The following OPCML variants were observed in gnomAD, a reference collection of about 807,000 sequenced individuals.
OPCML encodes the protein opioid-binding protein/cell adhesion molecule.
In OPCML, 13 loss-of-function variants were observed where a neutral mutation model predicts 37.8. That is an observed-to-expected ratio of 0.34 (90% CI 0.22 to 0.55). OPCML has a LOEUF of 0.55. Ranked by LOEUF, OPCML falls within the 20% of genes least tolerant of loss-of-function variation. The probability of loss-of-function intolerance (pLI) is 0.91; values close to 1 mark genes in which losing one functional copy is unlikely to be tolerated. For synonymous variants in OPCML, 176 were observed against 168.8 expected, an observed-to-expected ratio of 1.04 and a Z score of -0.33; for missense variants, 341 against 435.6, an observed-to-expected ratio of 0.78 and a Z score of 1.93.
At chr11:133,355,169 T>C (rs1379587302) in intron 1 of OPCML, among the ~76,000 whole-genome samples, 1 of 152,234 alleles carries the variant, frequency 6.6e-6, no homozygotes, top group Non-Finnish European at 1.5e-5. Flanking sequence ...TTGAAGTCGA[T>C]GCCAATGACT....
At chr11:133,336,648 C>T (rs1252719999) in intron 1 of OPCML, among the ~76,000 whole-genome samples, 1 of 152,186 alleles carries the variant, frequency 6.6e-6, no homozygotes, top group African/African-American at 2.4e-5. Context: ...TTCCCCCAGC[C>T]TCAACTGAGC....
chr11:132,520,703 T>TGTGTGTGTGTAA (rs58430114), intron 4 of OPCML, among the ~76,000 whole-genome samples: 1 of 70,328 alleles, frequency 1.4e-5, no homozygotes, highest in African/African-American at 6.4e-5. Flanking sequence ...TGTGTGTGTG[T>TGTGTGTGTGTAA]ATGCATATAG....
At chr11:133,240,830 A>G (rs544357534) in intron 1 of OPCML, among the ~76,000 whole-genome samples, 49 of 152,196 alleles carry the variant, frequency 3.2e-4, no homozygotes, top group Non-Finnish European at 5.9e-4. Context: ...AATTTCAAGG[A>G]ACTAGAAAGT....
intron 1 of OPCML, among the ~76,000 whole-genome samples, chr11:133,128,170 G>C (rs1274987874): frequency 6.6e-6 from 1 of 152,084 alleles, no homozygotes; most frequent in Non-Finnish European, 1.5e-5. Flanking sequence ...GAGAGTGGAG[G>C]CATACTGAAA....
At chr11:132,484,106 A>G (rs892788920) in intron 4 of OPCML, among the ~76,000 whole-genome samples, 1 of 152,240 alleles carries the variant, frequency 6.6e-6, no homozygotes, top group African/African-American at 2.4e-5. Context: ...ACAGCAAAAG[A>G]AACTACCTTC....
chr11:133,482,459 A>G (rs1947397190), intron 1 of OPCML, among the ~76,000 whole-genome samples: 1 of 152,138 alleles, frequency 6.6e-6, no homozygotes, highest in East Asian at 1.9e-4. Flanking sequence ...CCCCTGGAGG[A>G]TCTGGGTGCT....
At chr11:133,332,456 T>C (rs555976949) in intron 1 of OPCML, among the ~76,000 whole-genome samples, 1 of 152,140 alleles carries the variant, frequency 6.6e-6, no homozygotes, top group Non-Finnish European at 1.5e-5. Flanking sequence ...GCACTTCCCA[T>C]ACTATGTTGA....
rs139699691 is a variant in OPCML at position 133,292,832 on chromosome 11, C to T, written c.61+239432G>A. On this transcript the variant is annotated intron_variant, in intron 1 of 7. Transcript: ENST00000524381. ...TCACTCCCTACCACCTGGCATACTG[C>T]TTGTGGCTCCTCATCATGATTCTAG... Among the ~76,000 whole-genome samples, 8 of 152,308 alleles carry T rather than the reference C, an allele frequency of 5.3e-5. No homozygotes were observed. In the East Asian group the frequency reaches 1.4e-3, roughly 26 times the overall value.
At chr11:133,486,852 T>TTC (rs10638959) in intron 1 of OPCML, among the ~76,000 whole-genome samples, 44,328 of 141,552 alleles carry the variant, frequency 0.31, 8,130 homozygotes, top group African/African-American at 0.5. Flanking sequence ...CCCTTCTCTC[T>TTC]TCTCTCTCTC....
At chr11:132,642,893 G>T (rs975028313) in intron 3 of OPCML, among the ~76,000 whole-genome samples, 1 of 152,154 alleles carries the variant, frequency 6.6e-6, no homozygotes, top group Non-Finnish European at 1.5e-5. Context: ...AGGAATTAAG[G>T]CTTTAGCCAA....
intron 2 of OPCML, 146 bp downstream of exon 2, chr11:132,942,780 C>A (rs1945625007): frequency 2.0e-6 from 2 of 1,016,178 alleles, no homozygotes; most frequent in Non-Finnish European, 2.9e-6. Flanking sequence ...GCAGTCGGCA[C>A]GGCAGCACGC....
intron 4 of OPCML, among the ~76,000 whole-genome samples, chr11:132,518,892 T>C (rs2096286078): frequency 6.6e-6 from 1 of 152,180 alleles, no homozygotes. Flanking sequence ...GAGACAAAGA[T>C]AGACAGCTTT....
intron 4 of OPCML, 75 bp from the exon 5 acceptor site, chr11:132,437,434 G>A (rs985557754): frequency 3.8e-6 from 6 of 1,564,428 alleles, no homozygotes; most frequent in Non-Finnish European, 5.2e-6. Context: ...CACATCTAGA[G>A]ATTGTAGGAG....
intron 4 of OPCML, among the ~76,000 whole-genome samples, chr11:132,473,755 G>A (rs2096145432): frequency 2.0e-5 from 3 of 152,104 alleles, no homozygotes; most frequent in Admixed American, 2.0e-4. Context: ...GAGCCCAGGA[G>A]ATCGAGGCTG....
chr11:133,254,802 G>A (rs1941257141), intron 1 of OPCML, among the ~76,000 whole-genome samples: 1 of 152,156 alleles, frequency 6.6e-6, no homozygotes, highest in Non-Finnish European at 1.5e-5. Context: ...ACCCAGAGGG[G>A]AACCTGAGAA....
At position 133,346,529 on chromosome 11, in the gene OPCML, A is replaced by C. The variant is rs143181715; in HGVS notation, c.61+185735T>G. ...GTACCCTACTGAATAGTTCACTGAA[A>C]ATATGAAGGCATATAGGAGGTAATG... On this transcript the variant is annotated intron_variant, in intron 1 of 7. Coordinates refer to ENST00000524381, the MANE Select transcript of OPCML (RefSeq NM_001012393.5). 2.8e-3 allele frequency among the ~76,000 whole-genome samples: 430 copies of C among 152,338 alleles called. 12 individuals carry two copies. In the East Asian group the frequency reaches 0.07, roughly 25 times the overall value.
chr11:132,894,360 A>C (rs1244542923), intron 2 of OPCML, among the ~76,000 whole-genome samples: 1 of 152,176 alleles, frequency 6.6e-6, no homozygotes, highest in African/African-American at 2.4e-5. Flanking sequence ...ATCCAAGCTA[A>C]AGCTACTAAG....
chr11:132,703,365 C>T (rs541485285), intron 2 of OPCML, among the ~76,000 whole-genome samples: 75 of 152,286 alleles, frequency 4.9e-4, no homozygotes, highest in Non-Finnish European at 8.8e-4. Context: ...ACCACCTTTG[C>T]ATATATGGGC....
chr11:132,766,566 C>T (rs188638845), intron 2 of OPCML, among the ~76,000 whole-genome samples: 1 of 152,154 alleles, frequency 6.6e-6, no homozygotes, highest in African/African-American at 2.4e-5. Context: ...CTGTTGAGAC[C>T]CTTTTATAAG....
Sources: allele counts gnomAD v4.1 joint callset (sites outside exome capture counted in the v4.1 genomes callset), GRCh38; gene constraint gnomAD v4.1.1; transcripts MANE v1.5; gene names NCBI Gene and HGNC (gene_info 2026-07-23, HGNC 2026-07-21).